Variants in LRP2 observed in about 807,000 individuals in gnomAD.
LRP2 encodes LDL receptor related protein 2, also known as low-density lipoprotein receptor-related protein 2.
Under a neutral mutation model 531.0 loss-of-function variants are expected in LRP2, and 172 were observed. The observed-to-expected ratio is 0.32, with a 90% confidence interval of 0.29 to 0.37. The LOEUF (loss-of-function observed/expected upper bound fraction) is 0.37, where lower values mean the gene tolerates loss of function less well. Ranked by LOEUF, LRP2 falls within the 10% of genes least tolerant of loss-of-function variation. The pLI is 1.00. For missense variants in LRP2, 5,167 were observed against 5,868.3 expected (o/e 0.88, Z 3.90); for synonymous variants, 1,992 against 2,027.6 (o/e 0.98, Z 0.47).
intron 9 of LRP2, among the ~76,000 whole-genome samples, chr2:169,287,988 A>C (rs1346613384): frequency 6.6e-6 from 1 of 152,074 alleles, no homozygotes; most frequent in African/African-American, 2.4e-5. Flanking sequence ...ATTTCTAAGG[A>C]ATATCAAAAG....
chr2:169,334,267 C>A (rs933079920), intron 1 of LRP2, among the ~76,000 whole-genome samples: 1 of 152,076 alleles, frequency 6.6e-6, no homozygotes. Context: ...CAGTAATAAA[C>A]TATACCAGAA....
At chr2:169,261,374 G>A (rs779693415) in intron 16 of LRP2, among the ~76,000 whole-genome samples, 1 of 151,888 alleles carries the variant, frequency 6.6e-6, no homozygotes, top group Non-Finnish European at 1.5e-5. Flanking sequence ...TACCTAGGCT[G>A]GAGTGCAGTG....
At chr2:169,163,487 C>T (rs2105372193) in intron 62 of LRP2, among the ~76,000 whole-genome samples, 1 of 152,276 alleles carries the variant, frequency 6.6e-6, no homozygotes, top group Non-Finnish European at 1.5e-5. Flanking sequence ...GACTGCCCAT[C>T]TATTTTTCTA....
At position 169,237,134 on chromosome 2, in the gene LRP2, G is replaced by A. The variant is rs1243911275; in HGVS notation, c.4660C>T (p.Pro1554Ser). The part of the protein sequence containing the change: ...TVLISKNLTN[P>S]RGLALDPRMN... ...CTGGGATCTAATGCTAGTCCTCTTG[G>A]ATTTGTTAGGTTTTTACTAATCAGC... Residue 1554 changes from proline (P) to serine (S), a missense_variant, in exon 28 of 79, where the codon CCA becomes TCA. Physicochemically the swap from Pro to Ser is moderately conservative, Grantham distance 74. Transcript: ENST00000649046. 1 of 1,613,770 alleles carries A rather than the reference G, an allele frequency of 6.2e-7. No individual in the cohort carries two copies. Among genetic ancestry groups the A allele is most frequent in the Non-Finnish European group, 8.5e-7 (1 of 1,179,906 alleles).
chr2:169,231,564 C>A (rs1276108259), intron 31 of LRP2, 150 bp downstream of exon 31: 3 of 926,818 alleles, frequency 3.2e-6, no homozygotes, highest in Non-Finnish European at 5.3e-6. Context: ...ACAGTGACAT[C>A]ACCCCATACA....
intron 68 of LRP2, among the ~76,000 whole-genome samples, chr2:169,148,844 G>A (rs984775104): frequency 6.6e-6 from 1 of 152,114 alleles, no homozygotes; most frequent in Admixed American, 6.6e-5. Flanking sequence ...ATCCATCTAG[G>A]TTCTATGTCA....
chr2:169,187,928 G>A, intron 49 of LRP2, 42 bp downstream of exon 49: 4 of 1,599,714 alleles, frequency 2.5e-6, no homozygotes, highest in East Asian at 2.2e-5. Flanking sequence ...TCCATATTCA[G>A]TCTCCCCTGT....
chr2:169,239,059 C>T (rs1689710216), intron 26 of LRP2, among the ~76,000 whole-genome samples: 2 of 152,174 alleles, frequency 1.3e-5, no homozygotes, highest in Non-Finnish European at 2.9e-5. Flanking sequence ...ATCCAGACTC[C>T]TACTACATGT....
intron 76 of LRP2, among the ~76,000 whole-genome samples, chr2:169,134,603 C>T (rs1245871201): frequency 9.9e-5 from 15 of 152,184 alleles, no homozygotes; most frequent in Non-Finnish European, 8.8e-5. Flanking sequence ...CCACATCTAT[C>T]ATTGAGGCTA....
chr2:169,242,380 G>A (rs1689839322), intron 24 of LRP2, among the ~76,000 whole-genome samples: 1 of 152,184 alleles, frequency 6.6e-6, no homozygotes, highest in South Asian at 2.1e-4. Flanking sequence ...CCAACTAGAA[G>A]AAATTTCTTT....
rs1685934054 is a variant in LRP2, at chr2:169,146,891, C to T, written c.12659G>A (p.Arg4220His). ...IESAWMNGEDRNILVFEDLGW... is the reference protein window; with the variant it reads ...IESAWMNGEDHNILVFEDLGW... ...AAGGTCCTCGAAAACCAGGATGTTG[C>T]GGTCCTCTCCATTCATCCAGGCAGA... Residue 4220 changes from arginine to histidine, a missense_variant, in exon 69 of 79, where the codon CGC (arginine) becomes CAC (histidine). Arg to His is a conservative substitution (Grantham distance 29). Coordinates refer to ENST00000649046, the MANE Select transcript of LRP2 (RefSeq NM_004525.3). 3 of 1,614,078 alleles carry T rather than the reference C, an allele frequency of 1.9e-6. No homozygotes were observed. Among genetic ancestry groups the T allele is most frequent in the Non-Finnish European group, 2.5e-6 (3 of 1,180,006 alleles).
intron 16 of LRP2, among the ~76,000 whole-genome samples, chr2:169,259,881 C>A (rs1001378108): frequency 6.6e-6 from 1 of 151,930 alleles, no homozygotes; most frequent in African/African-American, 2.4e-5. Flanking sequence ...AAGAAAAAAT[C>A]CTACTACTTT....
intron 21 of LRP2, among the ~76,000 whole-genome samples, chr2:169,246,205 T>C (rs1003490212): frequency 2.6e-5 from 4 of 152,086 alleles, no homozygotes; most frequent in African/African-American, 9.7e-5. Flanking sequence ...TTATTTATTA[T>C]TATTATACTT....
At chr2:169,243,359 T>G in intron 23 of LRP2, 44 bp downstream of exon 23, 1 of 1,611,804 alleles carries the variant, frequency 6.2e-7, no homozygotes, top group South Asian at 1.1e-5. Context: ...ACTGAGATTT[T>G]TCTAAATAAA....
At chr2:169,235,783 G>T in intron 29 of LRP2, 57 bp downstream of exon 29, 1 of 1,329,356 alleles carries the variant, frequency 7.5e-7, no homozygotes, top group South Asian at 1.2e-5. Flanking sequence ...ATACTCGTCT[G>T]ATTTCTACCT....
At chr2:169,195,511 A>G (rs1322900045) in intron 46 of LRP2, among the ~76,000 whole-genome samples, 1 of 152,170 alleles carries the variant, frequency 6.6e-6, no homozygotes, top group Non-Finnish European at 1.5e-5. Flanking sequence ...ATTTCTGAAT[A>G]TTATTACTTT....
chr2:169,243,434 A>G lies in LRP2; in HGVS notation c.3519T>C (p.Asp1173=), dbSNP rs1689885715. 6.2e-7 allele frequency: 1 copy of G among 1,614,174 alleles called. No homozygotes were observed. Among genetic ancestry groups the G allele is most frequent in the South Asian group, 1.1e-5 (1 of 91,082 alleles). The change falls in exon 23 of 79, where the codon GAT becomes GAC. Residue 1173 remains aspartate, a synonymous_variant. Coordinates refer to ENST00000649046, the MANE Select transcript of LRP2 (RefSeq NM_004525.3). ...DLSFVCDGDK[D]CVDGSDEVGC... The stretch of plus-strand genomic sequence containing the variant: ...CAACCTCATCAGATCCATCAACACA[A>G]TCCTTGTCACCATCACAGACAAACG...
At chr2:169,353,771 A>C (rs577888560) in intron 1 of LRP2, among the ~76,000 whole-genome samples, 2 of 152,342 alleles carry the variant, frequency 1.3e-5, no homozygotes, top group South Asian at 4.1e-4. Context: ...CGGGAGGATC[A>C]CTTGAGCTCA....
At position 169,154,477 on chromosome 2, in the gene LRP2, G is replaced by T; in HGVS notation, c.12278C>A (p.Pro4093His). 6.2e-7 allele frequency: 1 copy of T among 1,612,466 alleles called. No individual in the cohort carries two copies. Among genetic ancestry groups the T allele is most frequent in the Non-Finnish European group, 8.5e-7 (1 of 1,178,688 alleles). Residue 4093 changes from proline (P) to histidine (H), a missense_variant, in exon 66 of 79, where the codon CCC (proline) becomes CAC (histidine). Pro to His is a moderately conservative substitution (Grantham distance 77, BLOSUM62 -2). Coordinates refer to ENST00000649046, the MANE Select transcript of LRP2 (RefSeq NM_004525.3). ...ATACTCACTGAGGCCTATGTCCTTG[G>T]GATCCCAATCATAATCAACAGCTTG... is the stretch of plus-strand genomic sequence containing the variant. ...YIQAVDYDWD[P>H]KDIGLSVVYY... is the part of the protein sequence containing the mutation.
Sources: allele counts gnomAD v4.1 joint callset (sites outside exome capture counted in the v4.1 genomes callset), GRCh38; gene constraint gnomAD v4.1.1; transcripts MANE v1.5; gene names NCBI Gene and HGNC (gene_info 2026-07-23, HGNC 2026-07-21).